The following NPSR1 variants were observed in gnomAD, a reference collection of about 807,000 sequenced individuals.
NPSR1 encodes the protein neuropeptide S receptor 1.
NPSR1 carries 48 observed loss-of-function variants against 46.9 expected under a neutral mutation model. That is an observed-to-expected ratio of 1.02 (90% CI 0.81 to 1.30). The LOEUF is 1.30. Ranked by LOEUF, NPSR1 falls within the 50% of genes most tolerant of loss-of-function variation. NPSR1 has a pLI of 0.00. For synonymous variants in NPSR1, 176 were observed against 168.1 expected (o/e 1.05, Z -0.36); for missense variants, 450 against 449.5 (o/e 1.00, Z -0.01).
chr7:34,864,667 G>A (rs117336065), intron 8 of NPSR1, among the ~76,000 whole-genome samples: 3,079 of 151,954 alleles, frequency 0.02, 60 homozygotes, highest in Non-Finnish European at 0.025. Context: ...TGCACAAAAT[G>A]TTGGAGTTGA....
chr7:34,791,591 T>C (rs185357819), intron 3 of NPSR1, among the ~76,000 whole-genome samples: 24 of 152,030 alleles, frequency 1.6e-4, no homozygotes, highest in African/African-American at 5.8e-4. Context: ...CCTGTTTTCA[T>C]AAATATACAG....
At chr7:34,676,216 T>C (rs1054152375) in intron 1 of NPSR1, among the ~76,000 whole-genome samples, 1 of 152,356 alleles carries the variant, frequency 6.6e-6, no homozygotes, top group Admixed American at 6.5e-5. Context: ...ATATCTACTA[T>C]GTAACAGGCA....
At chr7:34,821,127 CT>C (rs35086136) in intron 4 of NPSR1, among the ~76,000 whole-genome samples, 7,753 of 94,808 alleles carry the variant, frequency 0.082, 216 homozygotes, top group Non-Finnish European at 0.1. Flanking sequence ...TTGTGATACA[CT>C]TTTTTTTTTT....
At chr7:34,710,003 A>C (rs1783192988) in intron 2 of NPSR1, among the ~76,000 whole-genome samples, 1 of 152,186 alleles carries the variant, frequency 6.6e-6, no homozygotes. Context: ...AAAAATTCTT[A>C]AAGCTTTCAG....
chr7:34,810,582 T>C (rs1039966510), intron 3 of NPSR1, among the ~76,000 whole-genome samples: 1 of 152,218 alleles, frequency 6.6e-6, no homozygotes, highest in South Asian at 2.1e-4. Context: ...ACACCGCACA[T>C]AGGCTCCCTA....
intron 2 of NPSR1, chr7:34,751,321 A>G (rs985444694): frequency 9.8e-7 from 1 of 1,015,558 alleles, no homozygotes; most frequent in South Asian, 1.3e-5. Flanking sequence ...GGTACTGATC[A>G]TGCAGAACTT....
At chr7:34,797,768 A>G (rs1788244688) in intron 3 of NPSR1, among the ~76,000 whole-genome samples, 1 of 152,146 alleles carries the variant, frequency 6.6e-6, no homozygotes, top group African/African-American at 2.4e-5. Context: ...CAAAGATAAA[A>G]TCCTGATAGA....
chr7:34,837,517 C>G (rs1790416279), intron 6 of NPSR1, among the ~76,000 whole-genome samples: 4 of 152,204 alleles, frequency 2.6e-5, no homozygotes, highest in East Asian at 1.9e-4. Context: ...GGCCCATTGC[C>G]CATTTCCCAT....
chr7:34,764,686 G>A (rs1474253759), intron 2 of NPSR1, among the ~76,000 whole-genome samples: 1 of 152,184 alleles, frequency 6.6e-6, no homozygotes, highest in African/African-American at 2.4e-5. Flanking sequence ...ATAAATGACT[G>A]AGAAAACCCT....
At chr7:34,660,979 C>G (rs759664171) in intron 1 of NPSR1, among the ~76,000 whole-genome samples, 1 of 152,144 alleles carries the variant, frequency 6.6e-6, no homozygotes, top group Admixed American at 6.5e-5. Flanking sequence ...TGTTACAGTC[C>G]TCAAGCTCCT....
At chr7:34,769,013 G>C (rs1392103470) in intron 2 of NPSR1, among the ~76,000 whole-genome samples, 1 of 152,106 alleles carries the variant, frequency 6.6e-6, no homozygotes, top group Non-Finnish European at 1.5e-5. Flanking sequence ...AAAAGTTAAT[G>C]AGTTTGGATT....
At chr7:34,750,560 C>G in intron 2 of NPSR1, 1 of 696,392 alleles carries the variant, frequency 1.4e-6, no homozygotes, top group South Asian at 1.5e-5. Flanking sequence ...CTCCTCAATC[C>G]CATCCAAACC....
At chr7:34,691,108 T>C (rs1583818113) in intron 2 of NPSR1, among the ~76,000 whole-genome samples, 1 of 152,232 alleles carries the variant, frequency 6.6e-6, no homozygotes, top group South Asian at 2.1e-4. Flanking sequence ...CCAGCCAAGA[T>C]TTTCACATCC....
intron 7 of NPSR1, among the ~76,000 whole-genome samples, chr7:34,846,137 G>C (rs1790734371): frequency 6.6e-6 from 1 of 152,172 alleles, no homozygotes; most frequent in African/African-American, 2.4e-5. Flanking sequence ...CTTCTGAAGT[G>C]GATCAAAGAC....
intron 2 of NPSR1, among the ~76,000 whole-genome samples, chr7:34,745,741 T>C (rs1269670130): frequency 1.3e-5 from 2 of 152,226 alleles, no homozygotes; most frequent in African/African-American, 4.8e-5. Flanking sequence ...CTTAAACTCC[T>C]GGTCACAAAC....
chr7:34,740,393 C>T (rs1784883510), intron 2 of NPSR1, among the ~76,000 whole-genome samples: 1 of 151,374 alleles, frequency 6.6e-6, no homozygotes, highest in African/African-American at 2.4e-5. Flanking sequence ...ATACCAGATA[C>T]ACACCCTCCC....
chr7:34,709,503 T>C (rs1026340895), intron 2 of NPSR1, among the ~76,000 whole-genome samples: 1 of 152,174 alleles, frequency 6.6e-6, no homozygotes, highest in African/African-American at 2.4e-5. Context: ...AAATCTTTCT[T>C]CAAATGTCAG....
chr7:34,666,527 G>A (rs547204316), intron 1 of NPSR1, among the ~76,000 whole-genome samples: 24 of 152,134 alleles, frequency 1.6e-4, no homozygotes, highest in South Asian at 1.2e-3. Flanking sequence ...GCATGGAGCC[G>A]CAGCAGCCAT....
intron 2 of NPSR1, among the ~76,000 whole-genome samples, chr7:34,701,311 A>G (rs1215883389): frequency 6.6e-6 from 1 of 152,234 alleles, no homozygotes; most frequent in African/African-American, 2.4e-5. Context: ...CAGCAAAGAT[A>G]CACTTTTATC....
Sources: gnomAD v4.1 joint callset for allele counts (sites outside exome capture counted in the v4.1 genomes callset) on GRCh38, gnomAD v4.1.1 for gene constraint, MANE v1.5 for transcripts, NCBI Gene and HGNC (gene_info 2026-07-23, HGNC 2026-07-21) for gene names.